DNAH3: variants seen among roughly 807,000 people sequenced by gnomAD.
DNAH3 encodes axonemal beta dynein heavy chain 3.
DNAH3 carries 332 observed loss-of-function variants against 432.5 expected under a neutral mutation model. That is an observed-to-expected ratio of 0.77 (90% CI 0.70 to 0.84). DNAH3 has a LOEUF of 0.84. Among genes scored for constraint, DNAH3 ranks in the 40% least tolerant of loss-of-function variants. The pLI is 0.00. For missense variants in DNAH3, 4,861 were observed against 5,114.0 expected, an observed-to-expected ratio of 0.95 and a Z score of 1.51; for synonymous variants, 1,956 against 1,900.2, an observed-to-expected ratio of 1.03 and a Z score of -0.76.
chr16:21,095,365 A>C (rs1276691986), intron 18 of DNAH3, among the ~76,000 whole-genome samples: 1 of 152,198 alleles, frequency 6.6e-6, no homozygotes, highest in Non-Finnish European at 1.5e-5. Flanking sequence ...CTCGCAATAA[A>C]AGGAAATGAC....
At chr16:21,067,842 A>AGAGATGG (rs1264881852) in intron 23 of DNAH3, among the ~76,000 whole-genome samples, 3 of 150,060 alleles carry the variant, frequency 2.0e-5, no homozygotes, top group Non-Finnish European at 4.4e-5. Flanking sequence ...CCAAGATCAG[A>AGAGATGG]GAGATGGAAG....
chr16:21,097,016 G>T (rs529367914), intron 18 of DNAH3, among the ~76,000 whole-genome samples: 1 of 152,192 alleles, frequency 6.6e-6, no homozygotes, highest in Middle Eastern at 3.4e-3. Flanking sequence ...TAGAGTAAAA[G>T]GTAGTTTACA....
Position 21,062,626 on chromosome 16 carries a change from A to C in DNAH3, c.3576T>G (p.Pro1192=), listed in dbSNP as rs778554245. The C allele has an allele frequency of 5.6e-6, 9 of 1,614,018 alleles. 1 individual carries two copies. In the East Asian group the frequency reaches 1.6e-4, roughly 28 times the overall value. ...TCTTCAAGTGCGGCTGCACTCGGAG[A>C]GGGTCCTTTGTCTCGGACAAGATTT... The change falls in exon 25 of 62, where the codon CCT becomes CCG. Residue 1192 remains proline, a synonymous_variant. Coordinates refer to ENST00000261383, the Ensembl canonical transcript of DNAH3.
rs754435712 is a variant in DNAH3, at chr16:20,963,903, A to G, written c.9981T>C (p.Asn3327=). The change falls in exon 53 of 62, where the codon AAT becomes AAC. Residue 3327 remains asparagine (N), a synonymous_variant. Coordinates refer to ENST00000261383, the Ensembl canonical transcript of DNAH3. ...TGTGGGTCAAGGAATGCATGTAGAGATTTATGAACCAAGTCAGGGAGTACT... is the reference window on the plus strand; with the variant it reads ...TGTGGGTCAAGGAATGCATGTAGAGGTTTATGAACCAAGTCAGGGAGTACT... The G allele has an allele frequency of 1.2e-5, 19 of 1,614,076 alleles. No individual in the cohort carries two copies. The East Asian group carries it at 4.2e-4, about 36-fold the overall frequency.
chr16:20,941,522 G>A lies in DNAH3; in HGVS notation c.11533C>T (p.Gln3845Ter), dbSNP rs759227234. The change falls in exon 59 of 62, where the codon CAA becomes TAA. Residue 3845 changes from glutamine to a stop codon, truncating the protein, a stop_gained. Transcript: ENST00000261383. LOFTEE classifies it high-confidence loss of function. ...CTGGGAAGCTTGGAGAGAATGTCTT[G>A]TGCCAACTCCTCAACCACTTCCTTA... 1.2e-6 allele frequency: 2 copies of A among 1,614,200 alleles called. No homozygotes were observed. Among genetic ancestry groups the A allele is most frequent in the South Asian group, 2.2e-5 (2 of 91,080 alleles).
intron 12 of DNAH3, among the ~76,000 whole-genome samples, chr16:21,114,761 G>A (rs1209546725): frequency 6.6e-6 from 1 of 152,164 alleles, no homozygotes; most frequent in African/African-American, 2.4e-5. Flanking sequence ...GAGAGGATGT[G>A]GAGAAATAGG....
At chr16:21,147,560 C>T (rs13330546) in intron 1 of DNAH3, among the ~76,000 whole-genome samples, 69,372 of 152,058 alleles carry the variant, frequency 0.46, 16,125 homozygotes, top group East Asian at 0.69. Context: ...GAGAAATTCA[C>T]TCAGGCAGTG....
chr16:21,140,449 T>G, intron 5 of DNAH3, 87 bp downstream of exon 6: 2 of 1,396,970 alleles, frequency 1.4e-6, no homozygotes, highest in Admixed American at 3.8e-5. Context: ...TCCCAGGTGA[T>G]TCTGCTGTTC....
In DNAH3 at chr16:21,018,917, A is replaced by C. The variant is rs377440201; in HGVS notation, c.6022+707T>G. ...CTCAAAAAAAAAATTATAATGACAA[A>C]ATTAAAAGAAATATTAATACCATAA... is the stretch of plus-strand genomic sequence containing the variant. On this transcript the variant is annotated intron_variant, in intron 41 of 61. Transcript: ENST00000261383. 9.9e-5 allele frequency among the ~76,000 whole-genome samples: 15 copies of C among 152,126 alleles called. No homozygotes were observed. The South Asian group carries it at 2.5e-3, about 25-fold the overall frequency.
intron 52 of DNAH3, among the ~76,000 whole-genome samples, chr16:20,967,237 T>TA (rs1393316404): frequency 3.9e-5 from 6 of 152,170 alleles, no homozygotes; most frequent in Non-Finnish European, 7.3e-5. Flanking sequence ...TTTTGCTCCA[T>TA]CTCAATATAC....
Position 20,940,599 on chromosome 16 carries a change from T to C in DNAH3, c.11654+802A>G, listed in dbSNP as rs201944125. Among the ~76,000 whole-genome samples the C allele has an allele frequency of 5.0e-4, 76 of 151,370 alleles. No homozygotes were observed. In the East Asian group the frequency reaches 0.014, roughly 28 times the overall value. On this transcript the variant is annotated intron_variant, in intron 59 of 61. Transcript: ENST00000261383. ...TGCACCACCATGCCTGCCTTTTTTT[T>C]TTTTTTCTTTTTTGGAGAGATGGGG...
exon 30 of DNAH3, chr16:21,049,973 C>G (rs773772559): frequency 5.6e-6 from 9 of 1,614,076 alleles, no homozygotes; most frequent in African/African-American, 1.3e-5. Context: ...CAGCTGGACC[C>G]TCTGGAGCAC....
chr16:21,056,810 C>CA (rs1260391207), intron 27 of DNAH3, among the ~76,000 whole-genome samples: 1 of 152,048 alleles, frequency 6.6e-6, no homozygotes, highest in Non-Finnish European at 1.5e-5. Flanking sequence ...ACCTCCATCA[C>CA]AAAAAGTCAG....
chr16:21,149,831 C>G lies in DNAH3; in HGVS notation c.118-3743G>C, dbSNP rs142021210. Among the ~76,000 whole-genome samples the G allele has an allele frequency of 9.4e-4, 143 of 152,278 alleles. 1 individual carries two copies. The highest frequency in any genetic ancestry group is 3.9e-3 in the South Asian group (19 of 4,828). ...GTCTAATTCAGCAAAAATGATATTT[C>G]AAAGCAGACAACAAAAAAATGTGAT... On this transcript the variant is annotated intron_variant, in intron 1 of 61. Transcript: ENST00000261383.
exon 53 of DNAH3, chr16:20,964,315 C>G (rs752548613): frequency 7.4e-6 from 12 of 1,614,170 alleles, no homozygotes; most frequent in Non-Finnish European, 9.3e-6. Context: ...GTTGAGGAGA[C>G]AGACCTTCAC....
intron 56 of DNAH3, among the ~76,000 whole-genome samples, chr16:20,950,357 A>G (rs1406069016): frequency 6.6e-6 from 1 of 152,082 alleles, no homozygotes; most frequent in Non-Finnish European, 1.5e-5. Flanking sequence ...TGTTGTGGGG[A>G]CCACCTTGTA....
chr16:21,118,469 T>C (rs1048922987), intron 11 of DNAH3, among the ~76,000 whole-genome samples: 1 of 152,148 alleles, frequency 6.6e-6, no homozygotes, highest in Admixed American at 6.5e-5. Context: ...GGTCTCACTC[T>C]GTCACCCAGG....
chr16:20,950,781 G>A (rs1031155042), intron 56 of DNAH3, among the ~76,000 whole-genome samples: 4 of 151,978 alleles, frequency 2.6e-5, no homozygotes, highest in South Asian at 2.1e-4. Flanking sequence ...GGGACTATAC[G>A]GCACGTTCCT....
At chr16:21,157,915 T>TCG (rs2092910208) in intron 1 of DNAH3, among the ~76,000 whole-genome samples, 1 of 146,446 alleles carries the variant, frequency 6.8e-6, no homozygotes, top group East Asian at 2.0e-4. Context: ...CAACTGGAGG[T>TCG]GGGGGGGGGC....
Sources: gnomAD v4.1 joint callset for allele counts (sites outside exome capture counted in the v4.1 genomes callset) on GRCh38, gnomAD v4.1.1 for gene constraint, MANE v1.5 for transcripts, NCBI Gene and HGNC (gene_info 2026-07-23, HGNC 2026-07-21) for gene names.